The following FMNL3 variants were observed in gnomAD, a reference collection of about 807,000 sequenced individuals.
The protein encoded by FMNL3 is formin like 3.
In FMNL3, 57 loss-of-function variants were observed where a neutral mutation model predicts 119.6. That is an observed-to-expected ratio of 0.48 (90% confidence interval 0.39 to 0.59). The LOEUF is 0.59. FMNL3 is among the 20% of genes least tolerant of loss of function. FMNL3 has a pLI of 0.00. For missense variants in FMNL3, 1,053 were observed against 1,323.5 expected, an observed-to-expected ratio of 0.80 and a Z score of 3.17; for synonymous variants, 491 against 507.3, an observed-to-expected ratio of 0.97 and a Z score of 0.43.
chr12:49,694,792 A>G (rs1490409880), intron 1 of FMNL3, among the ~76,000 whole-genome samples: 2 of 151,988 alleles, frequency 1.3e-5, no homozygotes, highest in African/African-American at 4.8e-5. Context: ...GGCACCTGTA[A>G]TCCCAGCTAC....
At chr12:49,651,082 T>C (rs1943383735) in intron 16 of FMNL3, 86 bp downstream of exon 16, 2 of 1,574,800 alleles carry the variant, frequency 1.3e-6, no homozygotes, top group Non-Finnish European at 1.7e-6. Context: ...CCCTGTCTGA[T>C]GGCTTTTCTA....
Position 49,644,073 on chromosome 12 carries a change from G to A in FMNL3, c.*1742C>T, listed in dbSNP as rs1299424478. 2 of 1,614,078 alleles carry A rather than the reference G, an allele frequency of 1.2e-6. No homozygotes were observed. The highest frequency in any genetic ancestry group is 1.7e-6 in the Non-Finnish European group (2 of 1,180,052). On this transcript the variant is annotated 3_prime_UTR_variant, in exon 26 of 26. Coordinates refer to ENST00000335154, the MANE Select transcript of FMNL3 (RefSeq NM_175736.5). ...TTCCACGGCCCTTAGTGCAGGCTAA[G>A]GGTGAACTGTGCCTTTGCTCCAACA...
In FMNL3 at chr12:49,651,406, C is replaced by A; in HGVS notation, c.1648G>T (p.Val550Leu). 6.5e-7 allele frequency: 1 copy of A among 1,548,664 alleles called. No homozygotes were observed. The highest frequency in any genetic ancestry group is 8.8e-7 in the Non-Finnish European group (1 of 1,141,300). The change falls in exon 15 of 26, where the codon GTG becomes TTG. Residue 550 changes from valine to leucine, a missense_variant. This residue lies in a region of FMNL3 where 445 missense variants were observed against 628.4 expected (regional missense o/e 0.71). Coordinates refer to ENST00000335154, the MANE Select transcript of FMNL3 (RefSeq NM_175736.5). ...CCTGACAGGCCCACTGTCAACACCA[C>A]AGAGGGTGCAGCACCAGGGAGAGGT... ...APPLPGAAPS[V>L]VLTVGLSAIR...
rs1461408861 is a variant in FMNL3 at position 49,648,345 on chromosome 12, C to T, written c.2524G>A (p.Glu842Lys). The T allele has an allele frequency of 1.9e-6, 3 of 1,611,412 alleles. No individual in the cohort carries two copies. Among genetic ancestry groups the T allele is most frequent in the East Asian group, 4.5e-5 (2 of 44,820 alleles). Reference protein sequence around the residue: ...FVEKAAAVSLENVLLDVKELG... With the variant: ...FVEKAAAVSLKNVLLDVKELG... ...TCCTTCACGTCCAGCAGCACGTTCTCCAGGGACACTGGTCACCAAAAGCCT... is the reference window on the plus strand; with the variant it reads ...TCCTTCACGTCCAGCAGCACGTTCTTCAGGGACACTGGTCACCAAAAGCCT... Residue 842 changes from glutamate to lysine, a missense_variant, in exon 22 of 26, where the codon GAG becomes AAG. By Grantham distance (56) the Glu-to-Lys change is moderately conservative. Coordinates refer to ENST00000335154, the MANE Select transcript of FMNL3 (RefSeq NM_175736.5).
intron 12 of FMNL3, 27 bp from the exon 13 acceptor site, chr12:49,653,354 T>G (rs1386331500): frequency 6.2e-7 from 1 of 1,610,888 alleles, no homozygotes; most frequent in South Asian, 1.1e-5. Flanking sequence ...GCAGGTTCTG[T>G]GCTGGCCCTA....
Position 49,707,135 on chromosome 12 carries a change from A to AG in FMNL3, c.45dup (p.Ser16LeufsTer15), listed in dbSNP as rs1423125806. On this transcript the variant is annotated frameshift_variant, in exon 1 of 26. Coordinates refer to ENST00000335154, the MANE Select transcript of FMNL3 (RefSeq NM_175736.5). LOFTEE classifies it high-confidence loss of function. Reference sequence around the variant, plus strand: ...CCGGGCGGCAGCAACAACGGGACAGAGGGGGGCTCTCCCGGGACCCCCTCG... The same window carrying AG: ...CCGGGCGGCAGCAACAACGGGACAGAGGGGGGGCTCTCCCGGGACCCCCTCG... 6.2e-7 allele frequency: 1 copy of AG among 1,600,338 alleles called. No homozygotes were observed. Among genetic ancestry groups the AG allele is most frequent in the Non-Finnish European group, 8.5e-7 (1 of 1,174,586 alleles).
Position 49,643,419 on chromosome 12 carries a change from A to G in FMNL3, c.*2396T>C, listed in dbSNP as rs1342929618. 3 of 1,533,784 alleles carry G rather than the reference A, an allele frequency of 2.0e-6. No homozygotes were observed. Among genetic ancestry groups the G allele is most frequent in the East Asian group, 2.3e-5 (1 of 44,290 alleles). ...GCAGGTAAGCAGTTGCTGTGAGCGT[A>G]GAAGCTGGAGAACTGTTGTCCCAGA... On this transcript the variant is annotated 3_prime_UTR_variant, in exon 26 of 26. Coordinates refer to ENST00000335154, the MANE Select transcript of FMNL3 (RefSeq NM_175736.5).
chr12:49,698,519 ACCC>A (rs146667735), intron 1 of FMNL3, among the ~76,000 whole-genome samples: 2 of 148,152 alleles, frequency 1.3e-5, no homozygotes, highest in African/African-American at 2.5e-5. Flanking sequence ...ACTGCTCCCC[ACCC>A]CCAAAAAAAA....
At chr12:49,669,510 T>G (rs1440983194) in intron 1 of FMNL3, among the ~76,000 whole-genome samples, 2 of 152,200 alleles carry the variant, frequency 1.3e-5, no homozygotes, top group Non-Finnish European at 2.9e-5. Flanking sequence ...TCTGGCTGTC[T>G]TTGTTCCAGG....
chr12:49,647,496 C>G lies in FMNL3; in HGVS notation c.2779-128G>C. ...TCCAGGTGGCCACCCTCTGGAGGGG[C>G]ACTTCCTGCCCCAAACAATGACAGG... On this transcript the variant is annotated intron_variant, in intron 23 of 25. Coordinates refer to ENST00000335154, the MANE Select transcript of FMNL3 (RefSeq NM_175736.5). The surrounding 1 kb of genome is among the most constrained non-coding windows in gnomAD (Gnocchi z 4.9). 1 of 1,074,898 alleles carries G rather than the reference C, an allele frequency of 9.3e-7. No individual in the cohort carries two copies. Among genetic ancestry groups the G allele is most frequent in the Non-Finnish European group, 1.4e-6 (1 of 716,074 alleles). The allele number at this position is 1,074,898 out of a possible 1,614,324, so 66.6% of individuals were successfully genotyped here.
At chr12:49,666,249 A>T (rs1943888088) in intron 2 of FMNL3, 42 bp from the exon 3 acceptor site, 1 of 1,560,662 alleles carries the variant, frequency 6.4e-7, no homozygotes, top group Non-Finnish European at 8.8e-7. Context: ...AAAGACAACC[A>T]GAGACCTGAG....
In FMNL3 at chr12:49,645,606, T is replaced by G. The variant is rs887452092; in HGVS notation, c.*209A>C. 1.9e-6 allele frequency: 1 copy of G among 521,096 alleles called. No homozygotes were observed. Among genetic ancestry groups the G allele is most frequent in the Non-Finnish European group, 3.3e-6 (1 of 299,230 alleles). 32.3% of individuals were successfully genotyped at this position (521,096 alleles called of 1,614,324 possible). ...CCTTCAGGAAATGAAGTCAAAGACC[T>G]TGGGGGCAAAGTGCAGTACTGGAAG... is the stretch of plus-strand genomic sequence containing the variant. On this transcript the variant is annotated 3_prime_UTR_variant, in exon 26 of 26. Coordinates refer to ENST00000335154, the MANE Select transcript of FMNL3 (RefSeq NM_175736.5).
chr12:49,694,052 G>T (rs1364068995), intron 1 of FMNL3, among the ~76,000 whole-genome samples: 1 of 151,984 alleles, frequency 6.6e-6, no homozygotes, highest in Non-Finnish European at 1.5e-5. Flanking sequence ...AATCCTCAGG[G>T]ATTGGACTAC....
intron 6 of FMNL3, 32 bp from the exon 7 acceptor site, chr12:49,657,222 G>GCCTCAGCTCCCAC: frequency 2.6e-6 from 4 of 1,547,434 alleles, no homozygotes; most frequent in Non-Finnish European, 3.6e-6. Flanking sequence ...TCAGGTGGGA[G>GCCTCAGCTCCCAC]CTGAGGCTGC....
rs542696871 is a variant in FMNL3 at position 49,696,688 on chromosome 12, T to C, written c.126+10367A>G. Among the ~76,000 whole-genome samples, 13 of 152,374 alleles carry C rather than the reference T, an allele frequency of 8.5e-5. No homozygotes were observed. In the South Asian group the frequency reaches 2.5e-3, roughly 29 times the overall value. ...TCCCAAAGGTTGAGGGCTAGGGCCC[T>C]AGTTCAAAGAGGTAGACCCCATCAC... On this transcript the variant is annotated intron_variant, in intron 1 of 25. Coordinates refer to ENST00000335154, the MANE Select transcript of FMNL3 (RefSeq NM_175736.5).
At chr12:49,646,796 G>T (rs776398110) in intron 25 of FMNL3, 90 bp downstream of exon 25, 62 of 1,605,362 alleles carry the variant, frequency 3.9e-5, no homozygotes, top group Non-Finnish European at 4.9e-5. Flanking sequence ...CCTCATGGGG[G>T]GTGGGGTGGG....
chr12:49,691,576 A>C (rs1236575877), intron 1 of FMNL3, among the ~76,000 whole-genome samples: 1 of 152,194 alleles, frequency 6.6e-6, no homozygotes. Flanking sequence ...AGCGCAAAAG[A>C]GCATCTCTTA....
Position 49,666,808 on chromosome 12 carries a change from T to TA in FMNL3, c.211-602dup, listed in dbSNP as rs1785155848. Among the ~76,000 whole-genome samples, 3 of 151,322 alleles carry TA rather than the reference T, an allele frequency of 2.0e-5. No homozygotes were observed. The South Asian group carries it at 6.3e-4, about 32-fold the overall frequency. ...TGTGATCCCTCTCTAAAAAAAAAAT[T>TA]AAAAAAAGATATGATTGGGAAATGC... On this transcript the variant is annotated intron_variant, in intron 2 of 25. Coordinates refer to ENST00000335154, the MANE Select transcript of FMNL3 (RefSeq NM_175736.5).
In FMNL3 at chr12:49,639,128, TTC is replaced by T. The variant is rs1942255398; in HGVS notation, c.*6685_*6686del. On this transcript the variant is annotated 3_prime_UTR_variant, in exon 26 of 26. Coordinates refer to ENST00000335154, the MANE Select transcript of FMNL3 (RefSeq NM_175736.5). ...ATGCTAAAATAAGAAATTTGGATTT[TTC>T]TCTCGTAAGTAATGAGGAACCGGGG... is the stretch of plus-strand genomic sequence containing the variant. 1 of 152,202 alleles carries T rather than the reference TTC, an allele frequency of 6.6e-6. No homozygotes were observed. The highest frequency in any genetic ancestry group is 1.5e-5 in the Non-Finnish European group (1 of 68,034). The allele number at this position is 152,202 out of a possible 1,614,324, so 9.4% of individuals were successfully genotyped here. A position where few individuals can be genotyped will look rare whatever the true frequency, so the allele number is the denominator to read the frequency against.
Sources: allele counts gnomAD v4.1 joint callset (sites outside exome capture counted in the v4.1 genomes callset), GRCh38; gene constraint gnomAD v4.1.1; regional missense constraint gnomAD v4.1.1; non-coding constraint Gnocchi (gnomAD v3.1); transcripts MANE v1.5; gene names NCBI Gene and HGNC (gene_info 2026-07-23, HGNC 2026-07-21).